GPHN: variants seen among roughly 807,000 people sequenced by gnomAD.
The protein encoded by GPHN is gephyrin.
GPHN carries 17 observed loss-of-function variants against 95.5 expected under a neutral mutation model. The observed-to-expected ratio is 0.18, with a 90% CI of 0.12 to 0.27. The LOEUF (loss-of-function observed/expected upper bound fraction) is 0.27. Ranked by LOEUF, GPHN falls within the 10% of genes least tolerant of loss-of-function variation. GPHN has a pLI of 1.00. For synonymous variants in GPHN, 320 were observed against 322.5 expected (o/e 0.99, Z 0.08); for missense variants, 660 against 978.1 (o/e 0.67, Z 4.34).
intron 5 of GPHN, among the ~76,000 whole-genome samples, chr14:66,888,030 C>A (rs1269139990): frequency 1.3e-5 from 2 of 152,152 alleles, no homozygotes; most frequent in African/African-American, 4.8e-5. Context: ...GCATGAGGAT[C>A]TCTCACTGCA....
intron 1 of GPHN, among the ~76,000 whole-genome samples, chr14:66,534,565 C>T (rs182069657): frequency 1.6e-3 from 247 of 152,116 alleles, no homozygotes; most frequent in Non-Finnish European, 2.7e-3. Flanking sequence ...TGAATATTCT[C>T]GTGTATTTCT....
downstream of GPHN, among the ~76,000 whole-genome samples, chr14:67,186,370 G>C (rs1385506864): frequency 6.6e-6 from 1 of 152,200 alleles, no homozygotes; most frequent in Non-Finnish European, 1.5e-5. Flanking sequence ...CATTTAAAAA[G>C]AGGCAGAAAT....
chr14:66,578,352 A>G (rs1415012133), intron 1 of GPHN, among the ~76,000 whole-genome samples: 4 of 151,874 alleles, frequency 2.6e-5, no homozygotes, highest in Non-Finnish European at 5.9e-5. Flanking sequence ...TTTGCATTAT[A>G]GGAGTTCCAG....
the GPHN span, among the ~76,000 whole-genome samples, chr14:67,188,986 C>T: frequency 2.6e-5 from 4 of 152,038 alleles, no homozygotes; most frequent in African/African-American, 4.8e-5. Flanking sequence ...CCACTGCGCC[C>T]GGCCTCAGCT....
chr14:66,742,514 T>C (rs2072877731), intron 2 of GPHN, among the ~76,000 whole-genome samples: 1 of 152,176 alleles, frequency 6.6e-6, no homozygotes, highest in Non-Finnish European at 1.5e-5. Context: ...GTGTTGATTT[T>C]TTTCACTGTT....
chr14:66,632,206 A>G (rs986496188), intron 1 of GPHN, among the ~76,000 whole-genome samples: 7 of 152,144 alleles, frequency 4.6e-5, no homozygotes, highest in African/African-American at 1.4e-4. Flanking sequence ...AGTGTAAGTG[A>G]TGCACTTGGT....
the GPHN span, among the ~76,000 whole-genome samples, chr14:67,407,481 C>T: frequency 4.0e-5 from 6 of 151,736 alleles, no homozygotes; most frequent in African/African-American, 1.5e-4. Flanking sequence ...CATTTGGTTG[C>T]CGAGGCTGGA....
At chr14:67,234,752 G>T in the GPHN span, among the ~76,000 whole-genome samples, 2 of 151,764 alleles carry the variant, frequency 1.3e-5, no homozygotes, top group African/African-American at 2.4e-5. Flanking sequence ...GTTTTGCCAT[G>T]TTGGCCAGGC....
the GPHN span, among the ~76,000 whole-genome samples, chr14:67,445,147 G>C: frequency 6.6e-6 from 1 of 152,180 alleles, no homozygotes. Flanking sequence ...CTCCTTGGCT[G>C]TCCTGACTTG....
chr14:66,854,541 C>T (rs1246620603), intron 4 of GPHN, among the ~76,000 whole-genome samples: 3 of 152,026 alleles, frequency 2.0e-5, no homozygotes, highest in Non-Finnish European at 2.9e-5. Flanking sequence ...AATTTAAAGC[C>T]ACATTGAAAA....
rs139869488 is a variant in GPHN at position 66,866,847 on chromosome 14, C to T, written c.295-13092C>T. Among the ~76,000 whole-genome samples the T allele has an allele frequency of 6.9e-4, 105 of 152,244 alleles. 1 individual carries two copies. The East Asian group carries it at 0.02, about 29-fold the overall frequency. The stretch of plus-strand genomic sequence containing the variant: ...TAGAACCTTAGCTGGCACAGCAATT[C>T]ATTAACCATTGGAACTGAGGTAAAC... On this transcript the variant is annotated intron_variant, in intron 4 of 22. Transcript: ENST00000478722.
At chr14:67,655,028 CAAAAAAAAAAAAAA>C in the GPHN span, among the ~76,000 whole-genome samples, 2 of 43,504 alleles carry the variant, frequency 4.6e-5, no homozygotes, top group Non-Finnish European at 7.7e-5. Flanking sequence ...GACTCCATCT[CAAAAAAAAAAAAAA>C]AAAAAAAAAA....
chr14:66,712,902 T>C (rs112323315), intron 2 of GPHN, among the ~76,000 whole-genome samples: 1 of 152,200 alleles, frequency 6.6e-6, no homozygotes, highest in South Asian at 2.1e-4. Flanking sequence ...ATTGGTGATG[T>C]TGAGCATTTT....
chr14:67,209,899 G>A, the GPHN span, among the ~76,000 whole-genome samples: 2 of 151,728 alleles, frequency 1.3e-5, no homozygotes, highest in South Asian at 4.2e-4. Context: ...ATTTGTAAGG[G>A]ATCCAATTAA....
intron 9 of GPHN, among the ~76,000 whole-genome samples, chr14:67,008,230 G>T (rs1378739654): frequency 6.6e-6 from 1 of 152,048 alleles, no homozygotes; most frequent in Non-Finnish European, 1.5e-5. Flanking sequence ...AAGGCGGGCG[G>T]ATCACGAGGT....
the GPHN span, among the ~76,000 whole-genome samples, chr14:67,292,194 T>G: frequency 2.0e-5 from 3 of 152,322 alleles, no homozygotes; most frequent in Non-Finnish European, 2.9e-5. Flanking sequence ...GAAAAAATAT[T>G]TCTAGGTGAT....
intron 10 of GPHN, among the ~76,000 whole-genome samples, chr14:67,031,399 C>G (rs998172412): frequency 1.4e-4 from 21 of 152,140 alleles, no homozygotes; most frequent in Non-Finnish European, 2.5e-4. Flanking sequence ...TTGGCATTCA[C>G]TGGATCTGAC....
chr14:66,776,375 G>A (rs1193627215), intron 2 of GPHN, 89 bp from the exon 3 acceptor site: 6 of 822,348 alleles, frequency 7.3e-6, no homozygotes, highest in Non-Finnish European at 1.3e-5. Flanking sequence ...GGGAGTTATT[G>A]GTAGCATTCT....
At chr14:66,875,372 G>C (rs1350814716) in intron 4 of GPHN, among the ~76,000 whole-genome samples, 3 of 152,096 alleles carry the variant, frequency 2.0e-5, no homozygotes, top group Non-Finnish European at 1.5e-5. Flanking sequence ...TAACCAGCTA[G>C]CATCATGATG....
Sources: allele counts gnomAD v4.1 joint callset (sites outside exome capture counted in the v4.1 genomes callset), GRCh38; gene constraint gnomAD v4.1.1; transcripts MANE v1.5; gene names NCBI Gene and HGNC (gene_info 2026-07-23, HGNC 2026-07-21).